Variants in PRKG1 observed in about 807,000 individuals in gnomAD.
PRKG1 encodes cGMP-dependent protein kinase 1.
PRKG1 carries 35 observed loss-of-function variants against 88.1 expected under a neutral mutation model. The observed-to-expected ratio is 0.40, with a 90% CI of 0.30 to 0.53. The LOEUF is 0.53. PRKG1 is among the 20% of genes least tolerant of loss of function. The probability of loss-of-function intolerance (pLI) is 0.59; values close to 1 mark genes in which losing one functional copy is unlikely to be tolerated. For missense variants in PRKG1, 540 were observed against 839.8 expected (o/e 0.64, Z 4.41); for synonymous variants, 303 against 292.5 (o/e 1.04, Z -0.37).
chr10:51,102,267 A>G (rs1354925748), intron 1 of PRKG1, among the ~76,000 whole-genome samples: 3 of 152,198 alleles, frequency 2.0e-5, no homozygotes, highest in Non-Finnish European at 2.9e-5. Context: ...TTACTTTTAA[A>G]TAATGACAGT....
intron 5 of PRKG1, among the ~76,000 whole-genome samples, chr10:51,943,671 T>C (rs1034488138): frequency 2.0e-5 from 3 of 152,138 alleles, no homozygotes; most frequent in Non-Finnish European, 4.4e-5. Flanking sequence ...GAAGGGCTGT[T>C]GAACTTTGTC....
chr10:52,188,737 T>C (rs1589686590), intron 9 of PRKG1, among the ~76,000 whole-genome samples: 1 of 152,144 alleles, frequency 6.6e-6, no homozygotes, highest in South Asian at 2.1e-4. Flanking sequence ...ACCTTAAAAA[T>C]GTGTGCAGTT....
intron 3 of PRKG1, among the ~76,000 whole-genome samples, chr10:51,542,699 G>C (rs1842337938): frequency 6.6e-6 from 1 of 152,010 alleles, no homozygotes; most frequent in African/African-American, 2.4e-5. Context: ...TATTGAAGCA[G>C]TCTGGCTGGA....
intron 3 of PRKG1, among the ~76,000 whole-genome samples, chr10:51,800,965 C>T (rs1318882666): frequency 6.6e-6 from 1 of 152,096 alleles, no homozygotes; most frequent in African/African-American, 2.4e-5. Context: ...GTCCCTAACC[C>T]TGGGTGTAGC....
intron 5 of PRKG1, among the ~76,000 whole-genome samples, chr10:51,951,106 G>A (rs1843173528): frequency 6.6e-6 from 1 of 152,254 alleles, no homozygotes; most frequent in Non-Finnish European, 1.5e-5. Flanking sequence ...ACCAGGAACA[G>A]AAGTTATCCC....
chr10:51,031,761 G>T (rs1168772611), intron 1 of PRKG1, among the ~76,000 whole-genome samples: 1 of 152,118 alleles, frequency 6.6e-6, no homozygotes, highest in African/African-American at 2.4e-5. Context: ...GCCTTCCCAT[G>T]CTCTTTTCTT....
chr10:52,176,173 C>CT (rs140722137), intron 9 of PRKG1, among the ~76,000 whole-genome samples: 21,929 of 96,152 alleles, frequency 0.23, 2,714 homozygotes, highest in East Asian at 0.31. Flanking sequence ...TTCTTTTTCT[C>CT]TTTTTTTTTT....
At chr10:51,530,817 C>A (rs907111798) in intron 3 of PRKG1, among the ~76,000 whole-genome samples, 1 of 152,152 alleles carries the variant, frequency 6.6e-6, no homozygotes, top group Non-Finnish European at 1.5e-5. Context: ...ATGGGAAACC[C>A]TTTTTCCCAT....
intron 3 of PRKG1, among the ~76,000 whole-genome samples, chr10:51,789,387 A>G (rs1369772430): frequency 6.6e-6 from 1 of 152,194 alleles, no homozygotes; most frequent in East Asian, 1.9e-4. Flanking sequence ...CCGAATCTCA[A>G]AATGTGAGGT....
At chr10:51,611,485 A>T (rs368781778) in intron 3 of PRKG1, among the ~76,000 whole-genome samples, 4,554 of 143,686 alleles carry the variant, frequency 0.032, 151 homozygotes, top group African/African-American at 0.082. Flanking sequence ...GCCCTTTTTT[A>T]AAAAAAAAAC....
At chr10:52,147,113 T>G (rs2132660183) in intron 8 of PRKG1, among the ~76,000 whole-genome samples, 1 of 152,274 alleles carries the variant, frequency 6.6e-6, no homozygotes, top group South Asian at 2.1e-4. Flanking sequence ...AATCTGAGAC[T>G]TCAGAAAACT....
chr10:52,171,114 C>T (rs1344487080), intron 9 of PRKG1, among the ~76,000 whole-genome samples: 2 of 143,090 alleles, frequency 1.4e-5, no homozygotes, highest in Non-Finnish European at 3.0e-5. Flanking sequence ...TTGGGGCTAT[C>T]TTATTGGTGT....
At chr10:51,705,685 C>T (rs940720590) in intron 3 of PRKG1, among the ~76,000 whole-genome samples, 2 of 152,138 alleles carry the variant, frequency 1.3e-5, no homozygotes, top group African/African-American at 2.4e-5. Context: ...ATTCTTTCTG[C>T]AACCTTTTGA....
chr10:51,684,305 A>G (rs2132376778), intron 3 of PRKG1, among the ~76,000 whole-genome samples: 1 of 152,338 alleles, frequency 6.6e-6, no homozygotes, highest in South Asian at 2.1e-4. Context: ...GAGGAAAAGT[A>G]GAACAGTGGT....
intron 3 of PRKG1, among the ~76,000 whole-genome samples, chr10:51,737,738 TTAATTATTATTATTA>T (rs1410817291): frequency 3.1e-4 from 41 of 132,692 alleles, no homozygotes; most frequent in African/African-American, 5.6e-4. Flanking sequence ...TATTTATTTA[TTAATTATTATTATTA>T]TTATTATTAT....
At chr10:52,166,502 C>T (rs1440719330) in intron 9 of PRKG1, among the ~76,000 whole-genome samples, 3 of 136,300 alleles carry the variant, frequency 2.2e-5, no homozygotes, top group East Asian at 2.1e-4. Flanking sequence ...GGCAGGATCT[C>T]GGCTCACTGC....
At chr10:52,038,054 T>C (rs563135511) in intron 5 of PRKG1, among the ~76,000 whole-genome samples, 2 of 152,266 alleles carry the variant, frequency 1.3e-5, no homozygotes, top group South Asian at 4.2e-4. Flanking sequence ...TCTTGCAGGA[T>C]GGAAAAATTC....
At chr10:51,708,227 T>G (rs750162881) in intron 3 of PRKG1, among the ~76,000 whole-genome samples, 20 of 152,162 alleles carry the variant, frequency 1.3e-4, no homozygotes, top group Non-Finnish European at 2.4e-4. Flanking sequence ...TCGCGTCACC[T>G]GCTGTGTGCA....
intron 9 of PRKG1, among the ~76,000 whole-genome samples, chr10:52,162,996 T>C (rs1838318596): frequency 6.6e-6 from 1 of 152,092 alleles, no homozygotes; most frequent in African/African-American, 2.4e-5. Flanking sequence ...ATTGTTCTGG[T>C]TTATTTCAAC....
Sources: allele counts gnomAD v4.1 joint callset (sites outside exome capture counted in the v4.1 genomes callset), GRCh38; gene constraint gnomAD v4.1.1; transcripts MANE v1.5; gene names NCBI Gene and HGNC (gene_info 2026-07-23, HGNC 2026-07-21).